MACF1: variants seen among roughly 807,000 people sequenced by gnomAD.
MACF1 encodes the protein microtubule-actin cross-linking factor 1.
MACF1 carries 193 observed loss-of-function variants against 854.8 expected under a neutral mutation model. The ratio of observed to expected loss-of-function variants is 0.23; its 90% CI spans 0.20 to 0.25. The LOEUF is 0.25. Ranked by LOEUF, MACF1 falls within the 10% of genes least tolerant of loss-of-function variation. The pLI is 1.00. For missense variants in MACF1, 7,722 were observed against 8,929.1 expected (o/e 0.86, Z 5.45); for synonymous variants, 3,185 against 3,226.7 (o/e 0.99, Z 0.44).
chr1:39,481,138 T>C, intron 99 of MACF1, 108 bp downstream of exon 99: 2 of 653,928 alleles, frequency 3.1e-6, no homozygotes, highest in Admixed American at 2.7e-5. Context: ...TTCATCTCTG[T>C]GGTGCTTGCT....
chr1:39,370,056 A>G lies in MACF1; in HGVS notation c.12965A>G (p.Glu4322Gly). 6.2e-7 allele frequency: 1 copy of G among 1,613,758 alleles called. No homozygotes were observed. The highest frequency in any genetic ancestry group is 8.5e-7 in the Non-Finnish European group (1 of 1,179,892). The change falls in exon 51 of 101, where the codon GAA becomes GGA. Residue 4322 changes from glutamate to glycine, a missense_variant. Physicochemically the swap from Glu to Gly is moderately conservative, Grantham distance 98 (BLOSUM62 -2). This residue lies in a region of MACF1 where 2,807 missense variants were observed against 3,235.8 expected (regional missense o/e 0.87). Transcript: ENST00000564288. ...EREKDASSCQ[E>G]QLDEFRKLVR... Reference sequence around the variant, plus strand: ...GAGAAAGATGCATCATCTTGCCAGGAACAGTTGGATGAATTCCGGAAGCTG... The same window carrying G: ...GAGAAAGATGCATCATCTTGCCAGGGACAGTTGGATGAATTCCGGAAGCTG...
In MACF1 at chr1:39,455,491, C is replaced by T. The variant is rs562321003; in HGVS notation, c.21075+394C>T. Among the ~76,000 whole-genome samples the T allele has an allele frequency of 2.0e-4, 31 of 152,248 alleles. No individual in the cohort carries two copies. The South Asian group carries it at 6.0e-3, about 30-fold the overall frequency. On this transcript the variant is annotated intron_variant, in intron 89 of 100. Coordinates refer to ENST00000564288, the MANE Select transcript of MACF1 (RefSeq NM_001394062.1). Reference sequence around the variant, plus strand: ...TTCTAGAGGCCCCCTCAGGTCTTAGCCACACAGCCAGCCGGAGAAACTGTC... The same window carrying T: ...TTCTAGAGGCCCCCTCAGGTCTTAGTCACACAGCCAGCCGGAGAAACTGTC...
Position 39,284,707 on chromosome 1 carries a change from G to A in MACF1, c.1131+279G>A, listed in dbSNP as rs901270447. 2.6e-5 allele frequency among the ~76,000 whole-genome samples: 4 copies of A among 152,174 alleles called. No homozygotes were observed. The East Asian group carries it at 5.8e-4, about 22-fold the overall frequency. On this transcript the variant is annotated intron_variant, in intron 11 of 100. Transcript: ENST00000564288. ...AAATTTTTCTGCTTCTCAGAGGGAA[G>A]CTAAATCTTTCCCTAGGGTGGAAAG...
At chr1:39,430,946 A>G in intron 66 of MACF1, 38 bp downstream of exon 66, 1 of 1,556,596 alleles carries the variant, frequency 6.4e-7, no homozygotes, top group Non-Finnish European at 8.9e-7. Flanking sequence ...TATTTTAGAC[A>G]GTATTGATGT....
chr1:39,369,465 C>T (rs1038142823), intron 50 of MACF1, among the ~76,000 whole-genome samples: 1 of 152,164 alleles, frequency 6.6e-6, no homozygotes, highest in East Asian at 1.9e-4. Context: ...TTTTCTTCCC[C>T]TATGCTGAGG....
intron 2 of MACF1, among the ~76,000 whole-genome samples, chr1:39,086,521 CAG>C (rs1641678068): frequency 6.6e-6 from 1 of 152,238 alleles, no homozygotes; most frequent in Non-Finnish European, 1.5e-5. Flanking sequence ...GGCCATAACT[CAG>C]GGCCCTGATG....
intron 2 of MACF1, among the ~76,000 whole-genome samples, chr1:39,199,264 C>T (rs922605641): frequency 2.6e-5 from 4 of 151,836 alleles, no homozygotes; most frequent in Admixed American, 2.0e-4. Flanking sequence ...GGATTACAGG[C>T]GTGAGCCACT....
intron 57 of MACF1, among the ~76,000 whole-genome samples, chr1:39,386,968 A>C (rs1359705883): frequency 6.6e-6 from 1 of 152,230 alleles, no homozygotes; most frequent in Non-Finnish European, 1.5e-5. Flanking sequence ...ACCAGCTAGA[A>C]GTCAAAGTTT....
chr1:39,254,750 T>A (rs1334484106), intron 5 of MACF1: 1 of 233,332 alleles, frequency 4.3e-6, no homozygotes, highest in Non-Finnish European at 8.5e-6. Context: ...GAAAATGAGA[T>A]AAGGGGGTAG....
intron 6 of MACF1, among the ~76,000 whole-genome samples, chr1:39,263,613 A>G (rs1645190380): frequency 6.6e-6 from 1 of 152,018 alleles, no homozygotes; most frequent in Non-Finnish European, 1.5e-5. Flanking sequence ...CCAGGTAAAT[A>G]TTATCCTAAA....
At chr1:39,402,005 A>G (rs1225783362) in intron 58 of MACF1, among the ~76,000 whole-genome samples, 6 of 152,228 alleles carry the variant, frequency 3.9e-5, no homozygotes, top group Non-Finnish European at 8.8e-5. Flanking sequence ...TGAGGTCAGG[A>G]GTTCAAAACT....
At chr1:39,178,884 G>C (rs114526406) in intron 2 of MACF1, among the ~76,000 whole-genome samples, 1 of 152,278 alleles carries the variant, frequency 6.6e-6, no homozygotes, top group African/African-American at 2.4e-5. Flanking sequence ...CGTATTGAAA[G>C]TTTCTTTCTG....
chr1:39,382,232 G>A, intron 56 of MACF1, 80 bp downstream of exon 56: 1 of 1,318,912 alleles, frequency 7.6e-7, no homozygotes, highest in Non-Finnish European at 1.1e-6. Flanking sequence ...GATTTCATGT[G>A]ATCCTGGACA....
intron 1 of MACF1, among the ~76,000 whole-genome samples, chr1:39,218,047 G>C (rs1461003881): frequency 6.6e-6 from 1 of 151,930 alleles, no homozygotes; most frequent in African/African-American, 2.4e-5. Flanking sequence ...GCTGGGCATG[G>C]TGGCGGGTGC....
rs373418940 is a variant in MACF1 at position 39,350,810 on chromosome 1, G to A, written c.10991G>A (p.Arg3664His). ...GATTTACAGGATGACATTCAGAATC[G>A]TGCCACCTCATTTGCCACTGTTGTC... ...LKDLQDDIQNRATSFATVVKD... is the reference protein window; with the variant it reads ...LKDLQDDIQNHATSFATVVKD... Residue 3664 changes from arginine to histidine, a missense_variant, in exon 43 of 101, where the codon CGT becomes CAT. Coordinates refer to ENST00000564288, the MANE Select transcript of MACF1 (RefSeq NM_001394062.1). 1.5e-5 allele frequency: 24 copies of A among 1,613,658 alleles called. No individual in the cohort carries two copies. Among genetic ancestry groups the A allele is most frequent in the African/African-American group, 2.7e-5 (2 of 74,894 alleles).
rs1642190819 is a variant in MACF1 at position 39,105,129 on chromosome 1, G to A, written c.220+20691G>A. On this transcript the variant is annotated intron_variant, in intron 2 of 93. Coordinates refer to the MACF1 transcript ENST00000361689. This position sits in a 1 kb window ranked among gnomAD's most constrained non-coding sequence, Gnocchi z 5.9. ...GCCTCCCACCCAGCGGGACTCCCGC[G>A]TGGGCCGGCCTCTCGCGCCCCTCGG... 6.6e-6 allele frequency among the ~76,000 whole-genome samples: 1 copy of A among 152,018 alleles called. No individual in the cohort carries two copies. Among genetic ancestry groups the A allele is most frequent in the Non-Finnish European group, 1.5e-5 (1 of 67,956 alleles).
intron 2 of MACF1, among the ~76,000 whole-genome samples, chr1:39,113,140 C>G (rs192242326): frequency 6.6e-6 from 1 of 152,270 alleles, no homozygotes; most frequent in East Asian, 1.9e-4. Flanking sequence ...TACTGGCATT[C>G]CAGACCCTCC....
At chr1:39,309,536 C>T (rs192917713) in intron 23 of MACF1, 34 bp from the exon 24 acceptor site, 9 of 1,612,184 alleles carry the variant, frequency 5.6e-6, no homozygotes, top group South Asian at 1.1e-5. Flanking sequence ...TGAAGTCTTA[C>T]AAAGGTAATA....
intron 2 of MACF1, among the ~76,000 whole-genome samples, chr1:39,096,035 G>A (rs991497911): frequency 1.3e-5 from 2 of 151,824 alleles, no homozygotes; most frequent in African/African-American, 4.9e-5. Flanking sequence ...CAGGCGTAGT[G>A]GCACATACCT....
Sources: allele counts gnomAD v4.1 joint callset (sites outside exome capture counted in the v4.1 genomes callset), GRCh38; gene constraint gnomAD v4.1.1; regional missense constraint gnomAD v4.1.1; non-coding constraint Gnocchi (gnomAD v3.1); transcripts MANE v1.5; gene names NCBI Gene and HGNC (gene_info 2026-07-23, HGNC 2026-07-21).